DESI1: variants seen among roughly 807,000 people sequenced by gnomAD.
DESI1 encodes desumoylating isopeptidase 1.
Under a neutral mutation model 22.4 loss-of-function variants are expected in DESI1, and 17 were observed. That is an observed-to-expected ratio of 0.76 (90% CI 0.52 to 1.14). The LOEUF (loss-of-function observed/expected upper bound fraction) is 1.14. DESI1 is among the 50% of genes most tolerant of loss of function. The probability of loss-of-function intolerance (pLI) is 0.00; values close to 1 mark genes in which losing one functional copy is unlikely to be tolerated. For synonymous variants in DESI1, 92 were observed against 84.2 expected (o/e 1.09, Z -0.51); for missense variants, 177 against 208.9 (o/e 0.85, Z 0.94).
At chr22:41,617,024 T>C (rs1284477836) in intron 1 of DESI1, among the ~76,000 whole-genome samples, 1 of 152,202 alleles carries the variant, frequency 6.6e-6, no homozygotes, top group East Asian at 1.9e-4. Context: ...ATCATAAATC[T>C]AGATTGTAAG....
intron 1 of DESI1, among the ~76,000 whole-genome samples, chr22:41,612,106 C>T (rs1438883907): frequency 2.0e-5 from 3 of 152,044 alleles, no homozygotes; most frequent in African/African-American, 7.3e-5. Context: ...TAAACAAAAA[C>T]CTCCTTCATG....
In DESI1 at chr22:41,620,836, C is replaced by T; in HGVS notation, c.4G>A (p.Glu2Lys). The stretch of plus-strand genomic sequence containing the variant: ...TTCACCGGATAGAGATTCGGCGGCT[C>T]CATTGGGACCCGTGGCGACGGCGGC... M[E>K]PPNLYPVKLY... The change falls in exon 1 of 6, where the codon GAG becomes AAG. Residue 2 changes from glutamate to lysine, a missense_variant. Transcript: ENST00000263256. 1 of 1,607,720 alleles carries T rather than the reference C, an allele frequency of 6.2e-7. No individual in the cohort carries two copies. Among genetic ancestry groups the T allele is most frequent in the East Asian group, 2.3e-5 (1 of 44,444 alleles).
intron 4 of DESI1, 130 bp downstream of exon 4, chr22:41,603,914 A>T: frequency 1.4e-6 from 1 of 730,264 alleles, no homozygotes; most frequent in Non-Finnish European, 2.2e-6. Flanking sequence ...TCTTCATGTT[A>T]ATTCAGCAAA....
At chr22:41,603,047 G>T in intron 5 of DESI1, 1 of 749,812 alleles carries the variant, frequency 1.3e-6, no homozygotes, top group Non-Finnish European at 2.1e-6. Context: ...TTGCACTTAG[G>T]CCAGGGCAGA....
chr22:41,620,626 C>T, intron 1 of DESI1, 126 bp downstream of exon 1: 1 of 956,350 alleles, frequency 1.0e-6, no homozygotes, highest in Non-Finnish European at 1.5e-6. Context: ...CTCCACTCGG[C>T]TTTTCTTCCA....
intron 1 of DESI1, among the ~76,000 whole-genome samples, chr22:41,612,173 A>G (rs928903614): frequency 8.5e-5 from 13 of 152,172 alleles, no homozygotes; most frequent in Admixed American, 5.9e-4. Flanking sequence ...ATAATAAGTC[A>G]TAACATGTTA....
At chr22:41,607,156 C>T in intron 3 of DESI1, 106 bp downstream of exon 3, 2 of 1,098,458 alleles carry the variant, frequency 1.8e-6, no homozygotes, top group Non-Finnish European at 2.5e-6. Flanking sequence ...CTTCAGGTGG[C>T]TTTGAGGAAC....
At chr22:41,616,525 AACACACACACACACACAC>A (rs55785001) in intron 1 of DESI1, among the ~76,000 whole-genome samples, 33 of 146,706 alleles carry the variant, frequency 2.2e-4, no homozygotes, top group South Asian at 8.8e-4. Context: ...CCACAATTAA[AACACACACACACACACAC>A]ACACACACAC....
chr22:41,612,688 C>T (rs1439285863), intron 1 of DESI1, among the ~76,000 whole-genome samples: 2 of 151,160 alleles, frequency 1.3e-5, no homozygotes, highest in African/African-American at 2.4e-5. Flanking sequence ...CTTGACCTCC[C>T]AGGCTCAAGT....
intron 3 of DESI1, among the ~76,000 whole-genome samples, chr22:41,606,912 T>C (rs1452985613): frequency 6.6e-6 from 1 of 150,502 alleles, no homozygotes; most frequent in African/African-American, 2.4e-5. Flanking sequence ...CTCAGAGCCC[T>C]CATCATTCAG....
Position 41,616,281 on chromosome 22 carries a change from A to G in DESI1, c.88+4471T>C, listed in dbSNP as rs578249993. Among the ~76,000 whole-genome samples the G allele has an allele frequency of 3.3e-5, 5 of 152,298 alleles. No individual in the cohort carries two copies. In the East Asian group the frequency reaches 7.7e-4, roughly 23 times the overall value. On this transcript the variant is annotated intron_variant, in intron 1 of 5. Transcript: ENST00000263256. The stretch of plus-strand genomic sequence containing the variant: ...ATTCCTGGAGGACAGAGTTCACGTC[A>G]TATCTTTTATTTCATTACTATTTGT...
At chr22:41,609,026 C>T (rs918114949) in intron 1 of DESI1, among the ~76,000 whole-genome samples, 2 of 152,182 alleles carry the variant, frequency 1.3e-5, no homozygotes, top group Non-Finnish European at 2.9e-5. Flanking sequence ...ATTGCAACCT[C>T]TGCCCCCCGG....
chr22:41,619,079 CA>C (rs778580353), intron 1 of DESI1, among the ~76,000 whole-genome samples: 186 of 145,704 alleles, frequency 1.3e-3, no homozygotes, highest in Middle Eastern at 0.011. Context: ...AAAAAACCAA[CA>C]AAAAAAAAAC....
Position 41,601,022 on chromosome 22 carries a change from A to G in DESI1, c.*75T>C, listed in dbSNP as rs781678915. 2.5e-4 allele frequency: 333 copies of G among 1,352,580 alleles called. No individual in the cohort carries two copies. The highest frequency in any genetic ancestry group is 3.2e-4 in the Non-Finnish European group (315 of 970,978). 83.8% of individuals were successfully genotyped at this position (1,352,580 alleles called of 1,614,324 possible). A position where few individuals can be genotyped will look rare whatever the true frequency, so the allele number is the denominator to read the frequency against. On this transcript the variant is annotated 3_prime_UTR_variant, in exon 6 of 6. Transcript: ENST00000263256. ...GTTAGCTCTGATGTAAAATTATAAA[A>G]TAGAAATCTGGTAGGGTTTGTTTTG... is the stretch of plus-strand genomic sequence containing the variant.
Position 41,602,879 on chromosome 22 carries a change from C to G in DESI1, c.413+380G>C, listed in dbSNP as rs149424321. ...AAATCAACAGCTACAAAACAAGCCC[C>G]CCTACTATTTTTCTGACCCCCTCTC... On this transcript the variant is annotated intron_variant, in intron 5 of 5. Transcript: ENST00000263256. 114 of 931,948 alleles carry G rather than the reference C, an allele frequency of 1.2e-4. No homozygotes were observed. In the African/African-American group the frequency reaches 1.9e-3, roughly 15 times the overall value. 57.7% of individuals were successfully genotyped at this position (931,948 alleles called of 1,614,324 possible).
At position 41,603,580 on chromosome 22, in the gene DESI1, A is replaced by G. The variant is rs1186658617; in HGVS notation, c.291-199T>C. 2.0e-5 allele frequency among the ~76,000 whole-genome samples: 3 copies of G among 152,220 alleles called. No individual in the cohort carries two copies. The East Asian group carries it at 5.8e-4, about 29-fold the overall frequency. On this transcript the variant is annotated intron_variant, in intron 4 of 5. Coordinates refer to ENST00000263256, the MANE Select transcript of DESI1 (RefSeq NM_015704.3). ...ATTTTTAAGGGAAGGAGAAACTGAA[A>G]AGACATGGCTCCTACACAGTTTCAG...
rs2067444621 is a variant in DESI1 at position 41,600,637 on chromosome 22, A to C, written c.*460T>G. On this transcript the variant is annotated 3_prime_UTR_variant, in exon 6 of 6. Coordinates refer to ENST00000263256, the MANE Select transcript of DESI1 (RefSeq NM_015704.3). ...CCTGAAACCGGTCCCATGTACACCA[A>C]ATCCTTTGGTTCATTTAACACTAGA... 1 of 165,790 alleles carries C rather than the reference A, an allele frequency of 6.0e-6. No individual in the cohort carries two copies. Among genetic ancestry groups the C allele is most frequent in the Non-Finnish European group, 1.3e-5 (1 of 75,492 alleles). 10.3% of individuals were successfully genotyped at this position (165,790 alleles called of 1,614,324 possible). A position where few individuals can be genotyped will look rare whatever the true frequency, so the allele number is the denominator to read the frequency against.
At chr22:41,605,120 A>G (rs1305514276) in intron 3 of DESI1, among the ~76,000 whole-genome samples, 2 of 152,224 alleles carry the variant, frequency 1.3e-5, no homozygotes, top group Admixed American at 1.3e-4. Context: ...CTATTTGCAT[A>G]AAGTATGCAG....
At chr22:41,618,086 G>C (rs905944163) in intron 1 of DESI1, among the ~76,000 whole-genome samples, 1 of 152,084 alleles carries the variant, frequency 6.6e-6, no homozygotes, top group African/African-American at 2.4e-5. Context: ...CTCTTCACTG[G>C]GTGCAGTGGC....
Sources: allele counts gnomAD v4.1 joint callset (sites outside exome capture counted in the v4.1 genomes callset), GRCh38; gene constraint gnomAD v4.1.1; transcripts MANE v1.5; gene names NCBI Gene and HGNC (gene_info 2026-07-23, HGNC 2026-07-21).